The following PROS1 variants were observed in gnomAD, a reference collection of about 807,000 sequenced individuals.
The protein encoded by PROS1 is protein S, also known as vitamin K-dependent protein S.
Under a neutral mutation model 75.9 loss-of-function variants are expected in PROS1, and 29 were observed. The ratio of observed to expected loss-of-function variants is 0.38; its 90% CI spans 0.28 to 0.52. The LOEUF (loss-of-function observed/expected upper bound fraction) is 0.52, where lower values mean the gene tolerates loss of function less well. PROS1 is among the 20% of genes least tolerant of loss of function. PROS1 has a pLI of 0.83. For synonymous variants in PROS1, 245 were observed against 280.6 expected (o/e 0.87, Z 1.27); for missense variants, 680 against 810.3 (o/e 0.84, Z 1.95).
At chr3:93,898,372 A>G in intron 8 of PROS1, 76 bp downstream of exon 8, 2 of 1,526,144 alleles carry the variant, frequency 1.3e-6, no homozygotes, top group Non-Finnish European at 1.8e-6. Flanking sequence ...TTCCTGACTT[A>G]GCTATGTGAA....
chr3:93,887,839 C>T (rs1393450217), intron 10 of PROS1, among the ~76,000 whole-genome samples: 4 of 152,272 alleles, frequency 2.6e-5, no homozygotes, highest in African/African-American at 9.6e-5. Context: ...ACTATGACTC[C>T]ACTCCAGGGC....
chr3:93,937,239 G>A (rs1228880800), intron 1 of PROS1, among the ~76,000 whole-genome samples: 4 of 152,174 alleles, frequency 2.6e-5, no homozygotes, highest in African/African-American at 9.7e-5. Flanking sequence ...TGAGCAAGCA[G>A]GCAGTACGTG....
chr3:93,896,842 A>G lies in PROS1; in HGVS notation c.850-151T>C, dbSNP rs1165334187. 5 of 633,720 alleles carry G rather than the reference A, an allele frequency of 7.9e-6. No individual in the cohort carries two copies. In the East Asian group the frequency reaches 1.4e-4, roughly 18 times the overall value. 39.3% of individuals were successfully genotyped at this position (633,720 alleles called of 1,614,324 possible). On this transcript the variant is annotated intron_variant, in intron 8 of 14. Transcript: ENST00000394236. ...TTAAGAATATTTTTGGTAATAATAA[A>G]TACATATCTTCCATTTCCTTGTATA...
intron 1 of PROS1, among the ~76,000 whole-genome samples, chr3:93,964,790 G>A (rs1406700501): frequency 3.3e-5 from 5 of 152,102 alleles, no homozygotes; most frequent in East Asian, 1.9e-4. Flanking sequence ...CTACAGATAC[G>A]TGGCGTCACC....
intron 4 of PROS1, among the ~76,000 whole-genome samples, chr3:93,909,676 A>G (rs1351734679): frequency 6.6e-6 from 1 of 152,036 alleles, no homozygotes; most frequent in African/African-American, 2.4e-5. Context: ...AATACTTCCA[A>G]TACTCCCAAT....
At chr3:93,966,485 A>T (rs145032813) in intron 1 of PROS1, among the ~76,000 whole-genome samples, 1 of 152,346 alleles carries the variant, frequency 6.6e-6, no homozygotes, top group East Asian at 1.9e-4. Flanking sequence ...CAAGGACCAC[A>T]AACTAAAAAT....
chr3:93,934,217 AT>A (rs1709149301), intron 1 of PROS1, among the ~76,000 whole-genome samples: 3 of 152,086 alleles, frequency 2.0e-5, no homozygotes, highest in African/African-American at 7.2e-5. Context: ...TGGTAAAAAA[AT>A]AATAATAATA....
intron 1 of PROS1, among the ~76,000 whole-genome samples, chr3:93,973,405 C>T (rs1402422130): frequency 6.6e-6 from 1 of 152,182 alleles, no homozygotes; most frequent in Non-Finnish European, 1.5e-5. Context: ...GGCAGGTGTT[C>T]TCATCCCTCC....
At chr3:93,939,237 G>A (rs962511031) in intron 1 of PROS1, among the ~76,000 whole-genome samples, 8 of 151,976 alleles carry the variant, frequency 5.3e-5, no homozygotes, top group Non-Finnish European at 8.8e-5. Flanking sequence ...TGAGCAAATG[G>A]TCTGAGGTGC....
Position 93,874,419 on chromosome 3 carries a change from A to G in PROS1, c.1871-14T>C. ...TGAATGGAACATCTGTAAAAGGAAA[A>G]TATTAGAATATTAGTCCAAGACTTT... On this transcript the variant is annotated splice_polypyrimidine_tract_variant and intron_variant, in intron 14 of 14. Coordinates refer to ENST00000394236, the MANE Select transcript of PROS1 (RefSeq NM_000313.4). The G allele has an allele frequency of 6.2e-7, 1 of 1,612,946 alleles. No homozygotes were observed. Among genetic ancestry groups the G allele is most frequent in the East Asian group, 2.2e-5 (1 of 44,786 alleles).
At chr3:93,898,100 G>A (rs1708530122) in intron 8 of PROS1, among the ~76,000 whole-genome samples, 1 of 152,044 alleles carries the variant, frequency 6.6e-6, no homozygotes, top group Non-Finnish European at 1.5e-5. Context: ...TGTTTTCACT[G>A]AAGTTTCTAT....
At chr3:93,967,964 T>C (rs944713958) in intron 1 of PROS1, 1 of 152,304 alleles carries the variant, frequency 6.6e-6, no homozygotes, top group African/African-American at 2.4e-5. Flanking sequence ...AACTTGTTAA[T>C]ATTAGTATCA....
chr3:93,916,014 G>GA (rs1460734292), intron 3 of PROS1, among the ~76,000 whole-genome samples: 1 of 151,976 alleles, frequency 6.6e-6, no homozygotes, highest in Non-Finnish European at 1.5e-5. Flanking sequence ...AATTTATAAA[G>GA]AAAAAAATTA....
chr3:93,913,056 C>G lies in PROS1; in HGVS notation c.260-2351G>C, dbSNP rs867922803. Among the ~76,000 whole-genome samples, 4 of 152,336 alleles carry G rather than the reference C, an allele frequency of 2.6e-5. No homozygotes were observed. The South Asian group carries it at 6.2e-4, about 24-fold the overall frequency. ...CTTGAATTCTAATCCTCCACAATCCCCATGTGTCAAGGGACAGACCAGGTG... is the reference window on the plus strand; with the variant it reads ...CTTGAATTCTAATCCTCCACAATCCGCATGTGTCAAGGGACAGACCAGGTG... On this transcript the variant is annotated intron_variant, in intron 3 of 14. Coordinates refer to ENST00000394236, the MANE Select transcript of PROS1 (RefSeq NM_000313.4).
chr3:93,953,444 T>C (rs1342924772), intron 1 of PROS1, among the ~76,000 whole-genome samples: 3 of 152,230 alleles, frequency 2.0e-5, no homozygotes, highest in Non-Finnish European at 2.9e-5. Context: ...TCAATAAATG[T>C]AATCCAGCAT....
chr3:93,956,025 G>A (rs540641117), intron 1 of PROS1, among the ~76,000 whole-genome samples: 1 of 152,248 alleles, frequency 6.6e-6, no homozygotes, highest in South Asian at 2.1e-4. Context: ...TTGCTTTAAT[G>A]TAAATAGACT....
At chr3:93,935,998 ACT>A (rs1342103976) in intron 1 of PROS1, among the ~76,000 whole-genome samples, 2 of 151,120 alleles carry the variant, frequency 1.3e-5, no homozygotes, top group Non-Finnish European at 2.9e-5. Context: ...TGAAAAAACT[ACT>A]GTTTTTTTTT....
intron 1 of PROS1, among the ~76,000 whole-genome samples, chr3:93,970,647 GTA>G (rs1483330240): frequency 1.3e-5 from 2 of 151,886 alleles, no homozygotes; most frequent in Non-Finnish European, 2.9e-5. Flanking sequence ...CCGGGTGACA[GTA>G]TATATGTTAA....
At chr3:93,964,421 C>T (rs1481689614) in intron 1 of PROS1, among the ~76,000 whole-genome samples, 2 of 152,130 alleles carry the variant, frequency 1.3e-5, no homozygotes, top group Admixed American at 1.3e-4. Flanking sequence ...ACTCTGGGAA[C>T]GTCTGTCCTA....
Sources: gnomAD v4.1 joint callset for allele counts (sites outside exome capture counted in the v4.1 genomes callset) on GRCh38, gnomAD v4.1.1 for gene constraint, MANE v1.5 for transcripts, NCBI Gene and HGNC (gene_info 2026-07-23, HGNC 2026-07-21) for gene names.